Variants in LYPLAL1 observed in about 807,000 individuals in gnomAD.
LYPLAL1 encodes the protein lysophospholipase like 1.
A neutral mutation model predicts 19.7 loss-of-function variants in LYPLAL1; 23 were observed. The observed-to-expected ratio is 1.17, with a 90% CI of 0.84 to 1.65. LYPLAL1 has a LOEUF of 1.65. LYPLAL1 is among the 40% of genes most tolerant of loss of function. The probability of loss-of-function intolerance (pLI) is 0.00; values close to 1 mark genes in which losing one functional copy is unlikely to be tolerated. For missense variants in LYPLAL1, 355 were observed against 279.4 expected, an observed-to-expected ratio of 1.27 and a Z score of -1.93; for synonymous variants, 119 against 96.3, an observed-to-expected ratio of 1.24 and a Z score of -1.38.
chr1:219,416,244 T>C, the LYPLAL1 span, among the ~76,000 whole-genome samples: 6 of 152,224 alleles, frequency 3.9e-5, no homozygotes, highest in Non-Finnish European at 7.3e-5. Context: ...GGTTTAATTA[T>C]TGTCTCCTTA....
chr1:219,411,341 C>T, the LYPLAL1 span, among the ~76,000 whole-genome samples: 1 of 152,124 alleles, frequency 6.6e-6, no homozygotes. Context: ...CCAATCAGCA[C>T]CCTGTGTCTA....
chr1:219,382,775 A>G, the LYPLAL1 span, among the ~76,000 whole-genome samples: 7 of 152,204 alleles, frequency 4.6e-5, no homozygotes, highest in African/African-American at 7.2e-5. Context: ...ATTAAATTTC[A>G]TTTTTAAAAC....
chr1:219,315,822 G>T, the LYPLAL1 span, among the ~76,000 whole-genome samples: 2 of 152,116 alleles, frequency 1.3e-5, no homozygotes, highest in Admixed American at 1.3e-4. Flanking sequence ...AAAAGTTAGG[G>T]TGTTTTTCTT....
the LYPLAL1 span, among the ~76,000 whole-genome samples, chr1:219,337,701 C>A: frequency 6.6e-6 from 1 of 152,032 alleles, no homozygotes; most frequent in Non-Finnish European, 1.5e-5. Flanking sequence ...CAAAAGCTGG[C>A]TCTTCACCTG....
the LYPLAL1 span, among the ~76,000 whole-genome samples, chr1:219,322,367 A>G: frequency 6.6e-6 from 1 of 152,326 alleles, no homozygotes; most frequent in East Asian, 1.9e-4. Context: ...GCACAGATAA[A>G]CATGGTGTTT....
chr1:219,445,081 C>A, the LYPLAL1 span, among the ~76,000 whole-genome samples: 7 of 149,820 alleles, frequency 4.7e-5, no homozygotes, highest in South Asian at 2.2e-4. Flanking sequence ...AAAAAAAAAA[C>A]AAGGACTTTC....
intron 2 of LYPLAL1, among the ~76,000 whole-genome samples, chr1:219,192,286 T>C (rs919424162): frequency 4.0e-5 from 6 of 151,730 alleles, no homozygotes; most frequent in African/African-American, 1.4e-4. Context: ...GCTTTTACTT[T>C]ACTAACTTTG....
At chr1:219,219,348 C>CG in the LYPLAL1 span, among the ~76,000 whole-genome samples, 6 of 152,136 alleles carry the variant, frequency 3.9e-5, no homozygotes, top group African/African-American at 1.2e-4. Flanking sequence ...CTGAAGTCTA[C>CG]AAGAGTGATT....
the LYPLAL1 span, among the ~76,000 whole-genome samples, chr1:219,333,504 T>C: frequency 1.3e-5 from 2 of 152,028 alleles, no homozygotes; most frequent in Non-Finnish European, 2.9e-5. Flanking sequence ...ATGCTCCCGA[T>C]CTCAAACTGG....
chr1:219,387,868 C>T, the LYPLAL1 span, among the ~76,000 whole-genome samples: 6 of 152,182 alleles, frequency 3.9e-5, no homozygotes, highest in Admixed American at 1.3e-4. Context: ...ATGCTTCTTT[C>T]CCAGAAGTAT....
intron 3 of LYPLAL1, among the ~76,000 whole-genome samples, chr1:219,207,386 T>C (rs1037697035): frequency 3.3e-5 from 5 of 152,020 alleles, no homozygotes; most frequent in African/African-American, 9.7e-5. Flanking sequence ...TCTAAAATCT[T>C]TATTTTTAAG....
chr1:219,241,098 A>AT, the LYPLAL1 span, among the ~76,000 whole-genome samples: 900 of 59,222 alleles, frequency 0.015, 60 homozygotes, highest in African/African-American at 0.054. Context: ...AATATATATA[A>AT]TCTCTCTCTC....
chr1:219,273,375 T>C, the LYPLAL1 span: 3 of 152,236 alleles, frequency 2.0e-5, no homozygotes, highest in African/African-American at 7.2e-5. Flanking sequence ...ATAAACTTCA[T>C]TCATAATCAG....
the LYPLAL1 span, among the ~76,000 whole-genome samples, chr1:219,296,875 T>C: frequency 6.6e-6 from 1 of 152,120 alleles, no homozygotes; most frequent in African/African-American, 2.4e-5. Flanking sequence ...GCAACTAAAG[T>C]GCAACGAATC....
At chr1:219,271,377 G>A in the LYPLAL1 span, 11 of 132,806 alleles carry the variant, frequency 8.3e-5, no homozygotes, top group African/African-American at 2.7e-4. Flanking sequence ...CATGCTGGTT[G>A]AAGTGTTTTT....
the LYPLAL1 span, among the ~76,000 whole-genome samples, chr1:219,291,853 A>G: frequency 2.3e-4 from 35 of 151,954 alleles, no homozygotes; most frequent in African/African-American, 7.7e-4. Flanking sequence ...AAACGCCACC[A>G]TTCATTGGAA....
chr1:219,287,097 T>A, the LYPLAL1 span, among the ~76,000 whole-genome samples: 24 of 152,242 alleles, frequency 1.6e-4, no homozygotes, highest in African/African-American at 5.8e-4. Context: ...GAGGTATCGG[T>A]TTGGGTTTTT....
rs371249447 is a variant in LYPLAL1 at position 219,179,162 on chromosome 1, G to C, written c.107G>C (p.Gly36Ala). 3 of 1,610,774 alleles carry C rather than the reference G, an allele frequency of 1.9e-6. No individual in the cohort carries two copies. Among genetic ancestry groups the C allele is most frequent in the Admixed American group, 3.4e-5 (2 of 59,288 alleles). The change falls in exon 2 of 5, where the codon GGA (glycine) becomes GCA (alanine). Residue 36 changes from glycine to alanine, a missense_variant. Physicochemically the swap from Gly to Ala is moderately conservative, Grantham distance 60. Transcript: ENST00000366928. ...FLHGSGDSGQ[G>A]LRMWIKQVLN... is the part of the protein sequence containing the mutation. ...GATTCATCAGGTGATTCTGGACAAG[G>C]ATTAAGAATGTGGATCAAGCAGGTT... is the stretch of plus-strand genomic sequence containing the variant.
chr1:219,293,327 C>A, the LYPLAL1 span, among the ~76,000 whole-genome samples: 11 of 151,748 alleles, frequency 7.2e-5, no homozygotes, highest in South Asian at 2.1e-4. Context: ...TATTTCCCCC[C>A]AAAAAAATAG....
Sources: allele counts gnomAD v4.1 joint callset (sites outside exome capture counted in the v4.1 genomes callset), GRCh38; gene constraint gnomAD v4.1.1; transcripts MANE v1.5; gene names NCBI Gene and HGNC (gene_info 2026-07-23, HGNC 2026-07-21).